Variants in CDH3 observed in about 807,000 individuals in gnomAD.
CDH3 encodes cadherin 3.
A neutral mutation model predicts 82.0 loss-of-function variants in CDH3; 54 were observed. That is an observed-to-expected ratio of 0.66 (90% CI 0.53 to 0.83). The LOEUF is 0.83. CDH3 is among the 40% of genes least tolerant of loss of function. The pLI is 0.00. For missense variants in CDH3, 1,054 were observed against 1,084.6 expected (o/e 0.97, Z 0.40); for synonymous variants, 446 against 437.9 (o/e 1.02, Z -0.23).
chr16:68,713,769 G>C (rs951812476), intron 1 of CDH3, among the ~76,000 whole-genome samples: 1 of 152,018 alleles, frequency 6.6e-6, no homozygotes, highest in Non-Finnish European at 1.5e-5. Context: ...CCGCTCCCCA[G>C]GTACAGACCA....
At chr16:68,646,030 C>T (rs966317735) in intron 2 of CDH3, 2 of 473,080 alleles carry the variant, frequency 4.2e-6, no homozygotes, top group Non-Finnish European at 7.6e-6. Context: ...CACCCAGTCT[C>T]GACGTGGGAA....
chr16:68,719,875 C>T (rs1962142586), intron 1 of CDH3, among the ~76,000 whole-genome samples: 1 of 152,060 alleles, frequency 6.6e-6, no homozygotes, highest in African/African-American at 2.4e-5. Flanking sequence ...AGAACTTGGC[C>T]AGATGCAGTG....
At chr16:68,677,508 C>T (rs531764204) in intron 3 of CDH3, among the ~76,000 whole-genome samples, 6 of 152,288 alleles carry the variant, frequency 3.9e-5, no homozygotes, top group Non-Finnish European at 7.4e-5. Context: ...GAGGCCGAGG[C>T]GGGTGGCTTG....
chr16:68,677,157 G>T lies in CDH3; in HGVS notation c.246+687G>T, dbSNP rs371199743. Among the ~76,000 whole-genome samples the T allele has an allele frequency of 1.9e-4, 29 of 152,178 alleles. 2 individuals are homozygous for T. Among genetic ancestry groups the T allele is most frequent in the African/African-American group, 6.7e-4 (28 of 41,518 alleles). Reference sequence around the variant, plus strand: ...AACAGATTCTTTTCCTTATGCAAAAGCTAAGATGCTGTTCACATGTCTGCA... The same window carrying T: ...AACAGATTCTTTTCCTTATGCAAAATCTAAGATGCTGTTCACATGTCTGCA... On this transcript the variant is annotated intron_variant, in intron 3 of 15. Transcript: ENST00000264012.
chr16:68,651,594 T>G (rs1960249977), intron 2 of CDH3: 4 of 503,694 alleles, frequency 7.9e-6, no homozygotes, highest in Non-Finnish European at 1.6e-5. Context: ...AAGAGACACC[T>G]GCACCTGCAT....
intron 2 of CDH3, chr16:68,651,713 G>C (rs1960253287): frequency 1.9e-6 from 1 of 517,060 alleles, no homozygotes; most frequent in South Asian, 1.6e-5. Flanking sequence ...GCTGGTGCCA[G>C]TTCTGCATGG....
chr16:68,694,312 CA>C (rs1162877121), intron 13 of CDH3, among the ~76,000 whole-genome samples: 40,323 of 74,820 alleles, frequency 0.54, 8,382 homozygotes, highest in Middle Eastern at 0.59. Context: ...GACTCCCTCT[CA>C]AAAAAAAAAA....
In CDH3 at chr16:68,695,366, G is replaced by A. The variant is rs764318240; in HGVS notation, c.2114G>A (p.Gly705Glu). The A allele has an allele frequency of 2.5e-6, 4 of 1,612,802 alleles. No individual in the cohort carries two copies. The highest frequency in any genetic ancestry group is 2.2e-5 in the East Asian group (1 of 44,866). The change falls in exon 14 of 16, where the codon GGG (glycine) becomes GAG (glutamate). Residue 705 changes from glycine (G) to glutamate (E), a missense_variant. Coordinates refer to ENST00000264012, the MANE Select transcript of CDH3 (RefSeq NM_001793.6). ...RDNVFYYGEE[G>E]GGEEDQDYDI... ...AACGTCTTCTACTATGGCGAAGAGG[G>A]GGGTGGCGAAGAGGACCAGGTGGGG... is the stretch of plus-strand genomic sequence containing the variant.
At chr16:68,653,953 A>G (rs2147850) in intron 2 of CDH3, among the ~76,000 whole-genome samples, 91,735 of 151,288 alleles carry the variant, frequency 0.61, 27,963 homozygotes, top group African/African-American at 0.64. Flanking sequence ...TCCTGACCTC[A>G]TGATCCACCC....
In CDH3 at chr16:68,678,236, C is replaced by T; in HGVS notation, c.349C>T (p.Pro117Ser). The T allele has an allele frequency of 6.2e-7, 1 of 1,614,106 alleles. No homozygotes were observed. The highest frequency in any genetic ancestry group is 1.1e-5 in the South Asian group (1 of 91,080). ...TTGGGTGGTTGCTCCAATATCTGTCCCTGAAAATGGCAAGGGTCCCTTCCC... is the reference window on the plus strand; with the variant it reads ...TTGGGTGGTTGCTCCAATATCTGTCTCTGAAAATGGCAAGGGTCCCTTCCC... The part of the protein sequence containing the change: ...RDWVVAPISV[P>S]ENGKGPFPQR... The change falls in exon 4 of 16, where the codon CCT becomes TCT. Residue 117 changes from proline to serine, a missense_variant. Physicochemically the swap from Pro to Ser is moderately conservative, Grantham distance 74. Coordinates refer to ENST00000264012, the MANE Select transcript of CDH3 (RefSeq NM_001793.6).
downstream of CDH3, among the ~76,000 whole-genome samples, chr16:68,729,638 T>G (rs1962262150): frequency 6.6e-6 from 1 of 151,994 alleles, no homozygotes; most frequent in Admixed American, 6.6e-5. Flanking sequence ...TCAAACACAT[T>G]TTTTTATTTG....
At chr16:68,668,886 G>T (rs1290277132) in intron 2 of CDH3, among the ~76,000 whole-genome samples, 1 of 152,076 alleles carries the variant, frequency 6.6e-6, no homozygotes, top group African/African-American at 2.4e-5. Context: ...ACTTACTCTG[G>T]GCCAGGCACA....
intron 2 of CDH3, among the ~76,000 whole-genome samples, chr16:68,655,560 G>C (rs544463863): frequency 6.6e-6 from 1 of 152,214 alleles, no homozygotes; most frequent in South Asian, 2.1e-4. Context: ...AGATTGAGGA[G>C]GGGCTGGGCA....
chr16:68,718,002 CAG>C (rs1402879968), intron 1 of CDH3, among the ~76,000 whole-genome samples: 2 of 151,878 alleles, frequency 1.3e-5, no homozygotes, highest in African/African-American at 4.8e-5. Context: ...CTTTTTGAGA[CAG>C]AGTCTCATTC....
chr16:68,731,020 C>CA (rs1168041237), downstream of CDH3, among the ~76,000 whole-genome samples: 10 of 34,902 alleles, frequency 2.9e-4, no homozygotes, highest in African/African-American at 5.3e-4. Context: ...AACTCCGTCT[C>CA]AAAAAAAAAA....
At chr16:68,675,647 A>C (rs1054473668) in intron 2 of CDH3, among the ~76,000 whole-genome samples, 2 of 152,032 alleles carry the variant, frequency 1.3e-5, no homozygotes. Flanking sequence ...AACAAAAATT[A>C]GCTGGGCATG....
At chr16:68,725,842 C>T (rs1427829839) in intron 2 of CDH3, among the ~76,000 whole-genome samples, 1 of 151,704 alleles carries the variant, frequency 6.6e-6, no homozygotes, top group East Asian at 2.0e-4. Context: ...TTGCTTGAGC[C>T]CAGGAGCTGG....
downstream of CDH3, among the ~76,000 whole-genome samples, chr16:68,704,034 C>T (rs1315289670): frequency 2.0e-5 from 3 of 152,068 alleles, no homozygotes; most frequent in Non-Finnish European, 4.4e-5. Flanking sequence ...CGCTTGTAAT[C>T]CCAGCAATTT....
intron 1 of CDH3, among the ~76,000 whole-genome samples, chr16:68,712,088 C>T (rs899493458): frequency 5.2e-5 from 7 of 135,836 alleles, no homozygotes; most frequent in Non-Finnish European, 7.6e-5. Flanking sequence ...CCCAGGCTGA[C>T]GTGCAGTGGC....
Sources: gnomAD v4.1 joint callset for allele counts (sites outside exome capture counted in the v4.1 genomes callset) on GRCh38, gnomAD v4.1.1 for gene constraint, MANE v1.5 for transcripts, NCBI Gene and HGNC (gene_info 2026-07-23, HGNC 2026-07-21) for gene names.